SPAG6: variants seen among roughly 807,000 people sequenced by gnomAD.
SPAG6 encodes the protein sperm associated antigen 6, also known as sperm-associated antigen 6.
SPAG6 carries 49 observed loss-of-function variants against 58.5 expected under a neutral mutation model. That is an observed-to-expected ratio of 0.84 (90% CI 0.67 to 1.06). The LOEUF is 1.06. SPAG6 is among the 50% of genes least tolerant of loss of function. The pLI, the probability that SPAG6 is intolerant of heterozygous loss-of-function variation, is 0.00. For missense variants in SPAG6, 560 were observed against 611.3 expected, an observed-to-expected ratio of 0.92 and a Z score of 0.89; for synonymous variants, 233 against 225.6, an observed-to-expected ratio of 1.03 and a Z score of -0.29.
intron 10 of SPAG6, among the ~76,000 whole-genome samples, chr10:22,416,049 G>A (rs999293017): frequency 1.3e-5 from 2 of 151,878 alleles, no homozygotes; most frequent in Non-Finnish European, 2.9e-5. Flanking sequence ...AATTTCCTAG[G>A]TTTCTATGAT....
At chr10:22,411,838 A>ATTTTT (rs1283503992) in intron 10 of SPAG6, among the ~76,000 whole-genome samples, 1 of 132,714 alleles carries the variant, frequency 7.5e-6, no homozygotes, top group African/African-American at 3.4e-5. Flanking sequence ...AAACAACTGA[A>ATTTTT]TCTTTTTTTT....
At chr10:22,363,459 C>T (rs1168822935) in intron 2 of SPAG6, among the ~76,000 whole-genome samples, 1 of 152,172 alleles carries the variant, frequency 6.6e-6, no homozygotes, top group Non-Finnish European at 1.5e-5. Flanking sequence ...GTGCCTGCAG[C>T]GCTTACCAGC....
intron 8 of SPAG6, among the ~76,000 whole-genome samples, chr10:22,400,237 A>AT (rs1834378068): frequency 6.6e-6 from 1 of 152,176 alleles, no homozygotes; most frequent in South Asian, 2.1e-4. Flanking sequence ...CAGAGAGAGA[A>AT]TAAGTGAAGA....
In SPAG6 at chr10:22,345,603, G is replaced by C. The variant is rs1325942014; in HGVS notation, c.-9G>C. ...GAGCTCGAGGAGGGCAGACGGCGGCGGGGGCGCCATGAGTCAGAGGCAGGT... is the reference window on the plus strand; with the variant it reads ...GAGCTCGAGGAGGGCAGACGGCGGCCGGGGCGCCATGAGTCAGAGGCAGGT... On this transcript the variant is annotated 5_prime_UTR_variant, in exon 1 of 11. Coordinates refer to ENST00000376624, the MANE Select transcript of SPAG6 (RefSeq NM_012443.4). The surrounding 1 kb of genome is among the most constrained non-coding windows in gnomAD (Gnocchi z 6.3). 2.6e-6 allele frequency: 4 copies of C among 1,528,744 alleles called. No homozygotes were observed. The Admixed American group carries it at 6.6e-5, about 25-fold the overall frequency. The allele number at this position is 1,528,744 out of a possible 1,614,324, so 94.7% of individuals were successfully genotyped here. A position where few individuals can be genotyped will look rare whatever the true frequency, so the allele number is the denominator to read the frequency against.
chr10:22,363,600 A>G (rs1195375958), intron 2 of SPAG6, among the ~76,000 whole-genome samples: 16 of 152,214 alleles, frequency 1.1e-4, no homozygotes, highest in Admixed American at 9.8e-4. Flanking sequence ...TGTGTCTGTG[A>G]TAAGCATCAC....
intron 10 of SPAG6, among the ~76,000 whole-genome samples, chr10:22,415,553 A>G (rs538764154): frequency 6.6e-6 from 1 of 152,292 alleles, no homozygotes; most frequent in South Asian, 2.1e-4. Flanking sequence ...GGGTGTGTAC[A>G]TAAGTAGCTG....
chr10:22,390,000 T>A (rs1834150980), intron 7 of SPAG6, among the ~76,000 whole-genome samples: 1 of 152,164 alleles, frequency 6.6e-6, no homozygotes, highest in South Asian at 2.1e-4. Context: ...GTGTGTGCGG[T>A]GACCCTCTGG....
intron 2 of SPAG6, among the ~76,000 whole-genome samples, chr10:22,348,028 G>C (rs966029016): frequency 6.7e-6 from 1 of 148,822 alleles, no homozygotes; most frequent in Non-Finnish European, 1.5e-5. Flanking sequence ...GTCTTGCTCT[G>C]TTGCCAGGCT....
intron 9 of SPAG6, among the ~76,000 whole-genome samples, chr10:22,406,664 C>T (rs1052699517): frequency 2.0e-5 from 3 of 152,144 alleles, no homozygotes; most frequent in African/African-American, 7.2e-5. Flanking sequence ...CTGCTTGGTG[C>T]AGTGCTGAGT....
intron 2 of SPAG6, among the ~76,000 whole-genome samples, chr10:22,358,038 T>G (rs1309003322): frequency 3.3e-5 from 5 of 152,112 alleles, no homozygotes; most frequent in Admixed American, 1.3e-4. Context: ...AGTGTCGCAA[T>G]AAACATACGT....
intron 4 of SPAG6, among the ~76,000 whole-genome samples, chr10:22,385,958 A>G (rs1834054591): frequency 6.6e-6 from 1 of 152,130 alleles, no homozygotes; most frequent in Non-Finnish European, 1.5e-5. Flanking sequence ...ATGCTTCTCA[A>G]AAGGCAGTTT....
At chr10:22,406,183 G>T (rs1167311792) in intron 9 of SPAG6, among the ~76,000 whole-genome samples, 6 of 152,028 alleles carry the variant, frequency 3.9e-5, no homozygotes, top group South Asian at 4.1e-4. Context: ...CTGCTAGCTT[G>T]TGAATGTGTT....
chr10:22,392,658 C>T (rs527962689), intron 8 of SPAG6, among the ~76,000 whole-genome samples: 13 of 151,884 alleles, frequency 8.6e-5, no homozygotes, highest in Admixed American at 3.3e-4. Context: ...ACAGAACAGA[C>T]AATAATTTAA....
At chr10:22,390,599 T>C (rs1834163401) in intron 7 of SPAG6, among the ~76,000 whole-genome samples, 1 of 152,230 alleles carries the variant, frequency 6.6e-6, no homozygotes, top group African/African-American at 2.4e-5. Context: ...CCTTATCTTA[T>C]TTGTTATTCA....
At position 22,417,374 on chromosome 10, in the gene SPAG6, C is replaced by G. The variant is rs1039017417; in HGVS notation, c.*686C>G. ...AGTTATACTCCTGCATACATGCTCT[C>G]CCTCTCATTGAAAGGTTTCTTAGTC... On this transcript the variant is annotated 3_prime_UTR_variant, in exon 11 of 11. Coordinates refer to ENST00000376624, the MANE Select transcript of SPAG6 (RefSeq NM_012443.4). The G allele has an allele frequency of 6.6e-6, 1 of 152,132 alleles. No homozygotes were observed. Among genetic ancestry groups the G allele is most frequent in the Admixed American group, 6.5e-5 (1 of 15,280 alleles). The allele number at this position is 152,132 out of a possible 1,614,324, so 9.4% of individuals were successfully genotyped here.
At position 22,345,905 on chromosome 10, in the gene SPAG6, G is replaced by C; in HGVS notation, c.121+87G>C. 6.3e-7 allele frequency: 1 copy of C among 1,577,084 alleles called. No individual in the cohort carries two copies. The highest frequency in any genetic ancestry group is 8.6e-7 in the Non-Finnish European group (1 of 1,161,802). Reference sequence around the variant, plus strand: ...CGCTGCCCTGCCCGTGGAGCTCTTGGGGAGCCGCAGTGTGGGGACCGGAGT... The same window carrying C: ...CGCTGCCCTGCCCGTGGAGCTCTTGCGGAGCCGCAGTGTGGGGACCGGAGT... On this transcript the variant is annotated intron_variant, in intron 2 of 10. Coordinates refer to ENST00000376624, the MANE Select transcript of SPAG6 (RefSeq NM_012443.4). This position sits in a 1 kb window ranked among gnomAD's most constrained non-coding sequence, Gnocchi z 6.3.
chr10:22,383,310 A>G (rs1263012190), intron 4 of SPAG6, among the ~76,000 whole-genome samples: 2 of 152,104 alleles, frequency 1.3e-5, no homozygotes, highest in African/African-American at 4.8e-5. Context: ...AGAGTTTTGT[A>G]TGTGTTTTGG....
intron 9 of SPAG6, among the ~76,000 whole-genome samples, chr10:22,402,339 A>G (rs1296609248): frequency 2.0e-5 from 3 of 152,242 alleles, no homozygotes; most frequent in African/African-American, 7.2e-5. Flanking sequence ...TTATAATGCT[A>G]TATAAATGAG....
At chr10:22,386,241 T>G (rs191225742) in intron 4 of SPAG6, among the ~76,000 whole-genome samples, 96 of 152,276 alleles carry the variant, frequency 6.3e-4, no homozygotes, top group African/African-American at 2.2e-3. Flanking sequence ...TTGTATGAAA[T>G]TTTTAAAAAA....
Sources: gnomAD v4.1 joint callset for allele counts (sites outside exome capture counted in the v4.1 genomes callset) on GRCh38, gnomAD v4.1.1 for gene constraint, Gnocchi (gnomAD v3.1) non-coding constraint, MANE v1.5 for transcripts, NCBI Gene and HGNC (gene_info 2026-07-23, HGNC 2026-07-21) for gene names.